CACNB4: variants seen among roughly 807,000 people sequenced by gnomAD.
CACNB4 encodes the protein calcium voltage-gated channel auxiliary subunit beta 4, also known as voltage-dependent L-type calcium channel subunit beta-4.
In CACNB4, 32 loss-of-function variants were observed where a neutral mutation model predicts 71.2. The observed-to-expected ratio is 0.45, with a 90% CI of 0.34 to 0.60. The LOEUF (loss-of-function observed/expected upper bound fraction) is 0.60, where lower values mean the gene tolerates loss of function less well. Among genes scored for constraint, CACNB4 ranks in the 20% least tolerant of loss-of-function variants. The pLI, the probability that CACNB4 is intolerant of heterozygous loss-of-function variation, is 0.01. For missense variants in CACNB4, 464 were observed against 647.9 expected (o/e 0.72, Z 3.08); for synonymous variants, 231 against 236.9 (o/e 0.97, Z 0.23).
intron 2 of CACNB4, among the ~76,000 whole-genome samples, chr2:151,955,970 A>G (rs543192196): frequency 2.6e-5 from 4 of 152,300 alleles, no homozygotes; most frequent in African/African-American, 7.2e-5. Flanking sequence ...TAAAGTCTAT[A>G]AAGAGGATGT....
At chr2:152,034,443 T>C (rs1222023076) in intron 2 of CACNB4, among the ~76,000 whole-genome samples, 1 of 152,170 alleles carries the variant, frequency 6.6e-6, no homozygotes, top group East Asian at 1.9e-4. Context: ...GCAGGGGAAC[T>C]GAGAGCAAGG....
intron 2 of CACNB4, among the ~76,000 whole-genome samples, chr2:151,913,354 A>C (rs779540903): frequency 1.3e-5 from 2 of 152,222 alleles, no homozygotes; most frequent in Non-Finnish European, 2.9e-5. Context: ...CTTACAGGGC[A>C]GGACTGGGGG....
At chr2:151,863,057 G>GTT (rs113313070) in intron 9 of CACNB4, among the ~76,000 whole-genome samples, 250 of 145,346 alleles carry the variant, frequency 1.7e-3, no homozygotes, top group African/African-American at 5.9e-3. Context: ...GGTTTGTGTG[G>GTT]TTTTTTTTTT....
intron 2 of CACNB4, among the ~76,000 whole-genome samples, chr2:151,951,482 C>T (rs1460653965): frequency 6.6e-6 from 1 of 152,124 alleles, no homozygotes; most frequent in Non-Finnish European, 1.5e-5. Context: ...TTAAAGGAGC[C>T]AGCAGCATCA....
intron 2 of CACNB4, among the ~76,000 whole-genome samples, chr2:152,016,533 C>T (rs975971966): frequency 1.3e-5 from 2 of 152,160 alleles, no homozygotes; most frequent in Admixed American, 1.3e-4. Context: ...TGAGGCTAAA[C>T]CAATCTATTA....
chr2:152,006,118 T>C (rs1171544020), intron 2 of CACNB4, among the ~76,000 whole-genome samples: 1 of 152,228 alleles, frequency 6.6e-6, no homozygotes, highest in Non-Finnish European at 1.5e-5. Context: ...TGGTCTTGCA[T>C]ATGCCCTCGA....
At chr2:151,850,889 A>G (rs1013728071) in intron 12 of CACNB4, 2 of 152,216 alleles carry the variant, frequency 1.3e-5, no homozygotes, top group African/African-American at 2.4e-5. Context: ...AGTCTAGGAA[A>G]TACTATATTG....
intron 2 of CACNB4, among the ~76,000 whole-genome samples, chr2:152,027,526 A>G (rs1003362923): frequency 6.6e-6 from 1 of 152,198 alleles, no homozygotes; most frequent in African/African-American, 2.4e-5. Context: ...GTGACAGGAA[A>G]GCCATGTGCT....
At chr2:151,898,081 T>C (rs956090534) in intron 2 of CACNB4, among the ~76,000 whole-genome samples, 2 of 152,228 alleles carry the variant, frequency 1.3e-5, no homozygotes, top group Admixed American at 1.3e-4. Flanking sequence ...ATAGGAATCA[T>C]GTTGGTTGTA....
chr2:151,870,645 G>A, intron 7 of CACNB4, 34 bp from the exon 8 acceptor site: 2 of 1,553,208 alleles, frequency 1.3e-6, no homozygotes, highest in Non-Finnish European at 1.8e-6. Context: ...GTGACAAGGT[G>A]AGGTTGAGCA....
At chr2:151,855,043 G>T (rs564179343) in intron 11 of CACNB4, 181 bp downstream of exon 11, 2 of 415,418 alleles carry the variant, frequency 4.8e-6, no homozygotes, top group Admixed American at 8.0e-5. Context: ...TAGAAGAAAT[G>T]AACTATTATA....
rs760435695 is a variant in CACNB4, at chr2:151,876,450, T to C, written c.497A>G (p.Gln166Arg). Reference sequence around the variant, plus strand: ...CCCTCCGTGAAAACGTCCTCTTTTTTGTTCTTGCTGGATCCGTATGTTCTC... The same window carrying C: ...CCCTCCGTGAAAACGTCCTCTTTTTCGTTCTTGCTGGATCCGTATGTTCTC... ...RLENIRIQQE[Q>R]KRGRFHGGKS... The change falls in exon 5 of 14, where the codon CAA becomes CGA. Residue 166 changes from glutamine to arginine, a missense_variant. Transcript: ENST00000539935. 6.3e-7 allele frequency: 1 copy of C among 1,599,962 alleles called. No homozygotes were observed. The highest frequency in any genetic ancestry group is 1.1e-5 in the South Asian group (1 of 89,292).
chr2:151,948,178 AG>A (rs1482518462), intron 2 of CACNB4, among the ~76,000 whole-genome samples: 1 of 152,208 alleles, frequency 6.6e-6, no homozygotes, highest in African/African-American at 2.4e-5. Flanking sequence ...ACATTTAAAA[AG>A]CTCTCCTACC....
intron 2 of CACNB4, among the ~76,000 whole-genome samples, chr2:151,940,226 T>C (rs960846678): frequency 6.6e-6 from 1 of 152,226 alleles, no homozygotes; most frequent in Non-Finnish European, 1.5e-5. Context: ...TTACTCTATA[T>C]ACTGGAGACA....
intron 2 of CACNB4, among the ~76,000 whole-genome samples, chr2:151,980,934 C>A (rs893203027): frequency 3.3e-5 from 5 of 152,140 alleles, no homozygotes; most frequent in African/African-American, 1.2e-4. Context: ...AGGACAAGAA[C>A]CCATGATCTT....
chr2:151,834,039 T>C lies in CACNB4; in HGVS notation c.*5080A>G, dbSNP rs946880036. ...CTTATGCATACAGAATTCACACTGA[T>C]TTCAGTTAAAAGTCAAAGTGGCATG... On this transcript the variant is annotated 3_prime_UTR_variant, in exon 14 of 14. Transcript: ENST00000539935. 8 of 152,058 alleles carry C rather than the reference T, an allele frequency of 5.3e-5. No homozygotes were observed. The highest frequency in any genetic ancestry group is 1.0e-4 in the Non-Finnish European group (7 of 67,926). The allele number at this position is 152,058 out of a possible 1,614,324, so 9.4% of individuals were successfully genotyped here.
chr2:152,044,820 C>T (rs959485392), intron 2 of CACNB4, among the ~76,000 whole-genome samples: 1 of 152,166 alleles, frequency 6.6e-6, no homozygotes, highest in Non-Finnish European at 1.5e-5. Context: ...CCGTGGGTCT[C>T]GTCTCCAATA....
chr2:151,994,051 A>T (rs1013038558), intron 2 of CACNB4, among the ~76,000 whole-genome samples: 1 of 151,806 alleles, frequency 6.6e-6, no homozygotes, highest in Non-Finnish European at 1.5e-5. Context: ...GTGTGCCTGT[A>T]GTCTCAGCTA....
intron 2 of CACNB4, among the ~76,000 whole-genome samples, chr2:151,910,300 A>G (rs192286951): frequency 7.7e-4 from 118 of 152,262 alleles, no homozygotes; most frequent in Non-Finnish European, 1.2e-3. Context: ...AGATTGCAAC[A>G]ATTTTCTCCC....
Sources: gnomAD v4.1 joint callset for allele counts (sites outside exome capture counted in the v4.1 genomes callset) on GRCh38, gnomAD v4.1.1 for gene constraint, MANE v1.5 for transcripts, NCBI Gene and HGNC (gene_info 2026-07-23, HGNC 2026-07-21) for gene names.